The following PKNOX2 variants were observed in gnomAD, a reference collection of about 807,000 sequenced individuals.
PKNOX2 encodes the protein PBX/knotted 1 homeobox 2.
A neutral mutation model predicts 53.1 loss-of-function variants in PKNOX2; 14 were observed. The observed-to-expected ratio is 0.26, with a 90% CI of 0.17 to 0.41. PKNOX2 has a LOEUF of 0.41. PKNOX2 is among the 10% of genes least tolerant of loss of function. The pLI, the probability that PKNOX2 is intolerant of heterozygous loss-of-function variation, is 1.00. For synonymous variants in PKNOX2, 257 were observed against 242.8 expected, an observed-to-expected ratio of 1.06 and a Z score of -0.54; for missense variants, 496 against 602.8, an observed-to-expected ratio of 0.82 and a Z score of 1.85.
rs77780153 is a variant in PKNOX2 at position 125,431,096 on chromosome 11, T to C, written c.1193-70T>C. 5.6e-3 allele frequency: 8,619 copies of C among 1,546,858 alleles called. 35 individuals carry two copies. The highest frequency in any genetic ancestry group is 0.011 in the Middle Eastern group (64 of 5,918). On this transcript the variant is annotated intron_variant, in intron 12 of 12. Transcript: ENST00000298282. ...CTCTATGAGCCAGTCCATTAAACCC[T>C]GTCCAACACAGAGGTGCTGGCCCTG...
intron 2 of PKNOX2, among the ~76,000 whole-genome samples, chr11:125,262,857 G>A (rs111733175): frequency 1.4e-4 from 22 of 151,876 alleles, no homozygotes; most frequent in African/African-American, 4.3e-4. Context: ...CTCTACTCAC[G>A]TACCCTCCTT....
intron 10 of PKNOX2, among the ~76,000 whole-genome samples, chr11:125,423,787 G>T (rs1185335455): frequency 6.6e-6 from 1 of 152,184 alleles, no homozygotes; most frequent in Non-Finnish European, 1.5e-5. Flanking sequence ...CAGGGATGGG[G>T]ATGGGGAGGA....
chr11:125,312,716 C>T (rs865871807), intron 2 of PKNOX2, among the ~76,000 whole-genome samples: 4 of 152,194 alleles, frequency 2.6e-5, no homozygotes, highest in Non-Finnish European at 5.9e-5. Context: ...AGGAGACGCA[C>T]GTGCCCATAA....
chr11:125,286,591 C>A (rs1946914106), intron 2 of PKNOX2, among the ~76,000 whole-genome samples: 1 of 152,222 alleles, frequency 6.6e-6, no homozygotes, highest in African/African-American at 2.4e-5. Flanking sequence ...AGAAGGGGTG[C>A]TGAGCCCTCC....
At chr11:125,401,086 G>A (rs1954719269) in intron 7 of PKNOX2, among the ~76,000 whole-genome samples, 1 of 151,930 alleles carries the variant, frequency 6.6e-6, no homozygotes, top group Non-Finnish European at 1.5e-5. Context: ...TTGGGTGGGG[G>A]GCAGGGGCAA....
At chr11:125,189,355 T>TTATATA (rs35103348) in intron 1 of PKNOX2, among the ~76,000 whole-genome samples, 2 of 122,280 alleles carry the variant, frequency 1.6e-5, no homozygotes, top group African/African-American at 3.2e-5. Context: ...GAAATTCTAA[T>TTATATA]TATATATATA....
chr11:125,419,759 G>C (rs1956073818), intron 10 of PKNOX2, among the ~76,000 whole-genome samples: 1 of 151,730 alleles, frequency 6.6e-6, no homozygotes, highest in African/African-American at 2.4e-5. Flanking sequence ...GGAAGAATGG[G>C]GCCAGGCACA....
chr11:125,204,893 C>A (rs1011575934), intron 1 of PKNOX2, among the ~76,000 whole-genome samples: 1 of 152,188 alleles, frequency 6.6e-6, no homozygotes, highest in African/African-American at 2.4e-5. Context: ...GATTGGCTCT[C>A]AGAGAACACT....
intron 2 of PKNOX2, among the ~76,000 whole-genome samples, chr11:125,279,101 C>T (rs1021433994): frequency 7.9e-5 from 12 of 152,184 alleles, no homozygotes; most frequent in South Asian, 6.2e-4. Flanking sequence ...GCTTAGATTC[C>T]GTCCCTGTCA....
At chr11:125,169,066 A>G (rs1955094566) in intron 1 of PKNOX2, among the ~76,000 whole-genome samples, 2 of 152,204 alleles carry the variant, frequency 1.3e-5, no homozygotes, top group African/African-American at 4.8e-5. Context: ...TGTGTGGCAC[A>G]AGGACTGCGA....
chr11:125,269,823 G>A (rs907214279), intron 2 of PKNOX2, among the ~76,000 whole-genome samples: 8 of 152,272 alleles, frequency 5.3e-5, no homozygotes, highest in Middle Eastern at 3.4e-3. Context: ...GGTCGGGGGC[G>A]GTTGTCCTTG....
chr11:125,400,556 C>T (rs112343098), intron 7 of PKNOX2, among the ~76,000 whole-genome samples: 198 of 152,242 alleles, frequency 1.3e-3, no homozygotes, highest in Admixed American at 2.4e-3. Context: ...CCTGGGTGGG[C>T]CAATCTGACT....
At chr11:125,276,319 C>T (rs1377034127) in intron 2 of PKNOX2, among the ~76,000 whole-genome samples, 1 of 152,062 alleles carries the variant, frequency 6.6e-6, no homozygotes, top group Admixed American at 6.6e-5. Flanking sequence ...TGAAGAGGAA[C>T]TCCTAAAGAG....
chr11:125,306,836 C>T (rs1398743343), intron 2 of PKNOX2, among the ~76,000 whole-genome samples: 1 of 152,202 alleles, frequency 6.6e-6, no homozygotes, highest in Non-Finnish European at 1.5e-5. Flanking sequence ...ACTACCCCCT[C>T]CCCCATTTTC....
In PKNOX2 at chr11:125,279,108, G is replaced by T. The variant is rs919637780; in HGVS notation, c.-130+43993G>T. ...ACCAGAGAGCTTAGATTCCGTCCCT[G>T]TCATCCCTGTGGCACCTTGGTCAAG... is the stretch of plus-strand genomic sequence containing the variant. On this transcript the variant is annotated intron_variant, in intron 2 of 12. Transcript: ENST00000298282. 2.0e-4 allele frequency among the ~76,000 whole-genome samples: 31 copies of T among 152,226 alleles called. 1 individual carries two copies. The highest frequency in any genetic ancestry group is 2.0e-3 in the Admixed American group (31 of 15,290).
chr11:125,376,212 G>A (rs971403442), intron 5 of PKNOX2, among the ~76,000 whole-genome samples: 15 of 152,204 alleles, frequency 9.9e-5, no homozygotes, highest in Non-Finnish European at 1.3e-4. Flanking sequence ...CTGGGCTGGA[G>A]CCCAGGAGCT....
chr11:125,202,378 C>G (rs2135407638), intron 1 of PKNOX2, among the ~76,000 whole-genome samples: 1 of 152,286 alleles, frequency 6.6e-6, no homozygotes, highest in East Asian at 1.9e-4. Context: ...ATGGGGTGGG[C>G]AAGGAGTGGT....
chr11:125,274,631 A>C (rs1196909725), intron 2 of PKNOX2, among the ~76,000 whole-genome samples: 3 of 152,246 alleles, frequency 2.0e-5, no homozygotes, highest in Admixed American at 2.0e-4. Context: ...GGCTGCAGCT[A>C]GGAGGACTTG....
At chr11:125,372,271 G>A (rs1426016310) in intron 5 of PKNOX2, among the ~76,000 whole-genome samples, 2 of 152,102 alleles carry the variant, frequency 1.3e-5, no homozygotes, top group Non-Finnish European at 2.9e-5. Flanking sequence ...ATCCCAAACC[G>A]CCCACCTGAG....
Sources: gnomAD v4.1 joint callset for allele counts (sites outside exome capture counted in the v4.1 genomes callset) on GRCh38, gnomAD v4.1.1 for gene constraint, MANE v1.5 for transcripts, NCBI Gene and HGNC (gene_info 2026-07-23, HGNC 2026-07-21) for gene names.